The following SEMA3E variants were observed in gnomAD, a reference collection of about 807,000 sequenced individuals.
The protein encoded by SEMA3E is semaphorin-3E.
A neutral mutation model predicts 93.6 loss-of-function variants in SEMA3E; 49 were observed. That is an observed-to-expected ratio of 0.52 (90% CI 0.42 to 0.66). The LOEUF (loss-of-function observed/expected upper bound fraction) is 0.66. Among genes scored for constraint, SEMA3E ranks in the 30% least tolerant of loss-of-function variants. The pLI, the probability that SEMA3E is intolerant of heterozygous loss-of-function variation, is 0.00. For synonymous variants in SEMA3E, 363 were observed against 330.7 expected, an observed-to-expected ratio of 1.10 and a Z score of -1.06; for missense variants, 906 against 964.8, an observed-to-expected ratio of 0.94 and a Z score of 0.81.
intron 2 of SEMA3E, among the ~76,000 whole-genome samples, chr7:83,482,866 T>A (rs1274439833): frequency 1.3e-5 from 2 of 152,048 alleles, no homozygotes; most frequent in Admixed American, 6.6e-5. Context: ...AAATTGGATA[T>A]GTTTGAAGGT....
At chr7:83,538,240 G>A (rs565808415) in intron 1 of SEMA3E, among the ~76,000 whole-genome samples, 18 of 152,144 alleles carry the variant, frequency 1.2e-4, no homozygotes, top group African/African-American at 4.3e-4. Context: ...GGGTCATAGG[G>A]CAACTAATCA....
intron 4 of SEMA3E, among the ~76,000 whole-genome samples, chr7:83,426,437 G>A (rs888035589): frequency 6.6e-6 from 1 of 152,130 alleles, no homozygotes; most frequent in African/African-American, 2.4e-5. Context: ...TAATGCAGCT[G>A]GAGGCCATTA....
intron 1 of SEMA3E, among the ~76,000 whole-genome samples, chr7:83,490,789 A>G (rs1241619062): frequency 6.6e-6 from 1 of 152,068 alleles, no homozygotes; most frequent in East Asian, 1.9e-4. Context: ...CACTGATAAA[A>G]CTGGTGGGAA....
At chr7:83,542,124 T>A (rs1562825584) in intron 1 of SEMA3E, among the ~76,000 whole-genome samples, 1 of 151,778 alleles carries the variant, frequency 6.6e-6, no homozygotes, top group Admixed American at 6.6e-5. Context: ...AGGCAGATTA[T>A]TTAATGTCAG....
chr7:83,444,934 G>A (rs188494073), intron 4 of SEMA3E, among the ~76,000 whole-genome samples: 1 of 152,318 alleles, frequency 6.6e-6, no homozygotes, highest in Admixed American at 6.5e-5. Flanking sequence ...GCCTCCCAAA[G>A]TGCTGGGATT....
At chr7:83,537,121 A>G (rs1017001764) in intron 1 of SEMA3E, among the ~76,000 whole-genome samples, 5 of 151,662 alleles carry the variant, frequency 3.3e-5, no homozygotes, top group African/African-American at 1.2e-4. Flanking sequence ...GTAAGTAGGC[A>G]GTCATCTGCA....
chr7:83,421,702 T>C (rs1312091972), intron 4 of SEMA3E, among the ~76,000 whole-genome samples: 1 of 142,328 alleles, frequency 7.0e-6, no homozygotes, highest in Non-Finnish European at 1.6e-5. Flanking sequence ...TTAACTTTGC[T>C]AGTCATCTGA....
In SEMA3E at chr7:83,606,686, A is replaced by G. The variant is rs542550157; in HGVS notation, c.115+41742T>C. Among the ~76,000 whole-genome samples, 701 of 147,810 alleles carry G rather than the reference A, an allele frequency of 4.7e-3. 4 individuals are homozygous for G. Among genetic ancestry groups the G allele is most frequent in the African/African-American group, 0.016 (646 of 39,678 alleles). ...TAGATGACACGTTAGTGGGTGCAGC[A>G]CACCAGCATGGCACATGTATACATA... is the stretch of plus-strand genomic sequence containing the variant. On this transcript the variant is annotated intron_variant, in intron 1 of 16. Transcript: ENST00000643230.
rs375343117 is a variant in SEMA3E, at chr7:83,447,325, A to C, written c.456+19157T>G. On this transcript the variant is annotated intron_variant, in intron 4 of 16. Coordinates refer to ENST00000643230, the MANE Select transcript of SEMA3E (RefSeq NM_012431.3). The stretch of plus-strand genomic sequence containing the variant: ...GCCGAGGTGGGTGGATCACGAGGTC[A>C]GGAGATGGAGACCATCCTGGCCAAT... Among the ~76,000 whole-genome samples the C allele has an allele frequency of 5.4e-4, 82 of 152,236 alleles. No homozygotes were observed. In the East Asian group the frequency reaches 0.013, roughly 25 times the overall value.
chr7:83,439,133 T>A (rs1264432143), intron 4 of SEMA3E, among the ~76,000 whole-genome samples: 1 of 152,218 alleles, frequency 6.6e-6, no homozygotes, highest in Non-Finnish European at 1.5e-5. Context: ...ATTCTTCAGT[T>A]CTAAATCCCT....
chr7:83,423,504 AT>A (rs71074656), intron 4 of SEMA3E, among the ~76,000 whole-genome samples: 8,067 of 138,766 alleles, frequency 0.058, 256 homozygotes, highest in African/African-American at 0.12. Flanking sequence ...ACTATGAAGA[AT>A]TTTTTTTTTT....
intron 1 of SEMA3E, chr7:83,616,764 G>C (rs951979697): frequency 4.3e-5 from 18 of 421,046 alleles, no homozygotes; most frequent in African/African-American, 3.2e-4. Flanking sequence ...TGCTCTTGTT[G>C]CCCAGGCTGC....
intron 16 of SEMA3E, among the ~76,000 whole-genome samples, chr7:83,381,801 G>A (rs752845351): frequency 6.6e-6 from 1 of 151,862 alleles, no homozygotes; most frequent in Non-Finnish European, 1.5e-5. Context: ...AAGTCATCTT[G>A]TACTACCAAT....
At chr7:83,575,641 A>T (rs1361020528) in intron 1 of SEMA3E, among the ~76,000 whole-genome samples, 1 of 152,138 alleles carries the variant, frequency 6.6e-6, no homozygotes, top group East Asian at 1.9e-4. Flanking sequence ...GCTGTAACAG[A>T]TCTGCTTTCA....
chr7:83,386,886 A>T, intron 15 of SEMA3E, 97 bp downstream of exon 15: 1 of 1,052,870 alleles, frequency 9.5e-7, no homozygotes, highest in Non-Finnish European at 1.4e-6. Context: ...AGTATACATG[A>T]ATCACAAAGA....
At chr7:83,443,911 GACCTGATAT>G (rs1789172141) in intron 4 of SEMA3E, among the ~76,000 whole-genome samples, 1 of 85,022 alleles carries the variant, frequency 1.2e-5, no homozygotes, top group African/African-American at 5.5e-5. Flanking sequence ...GTAAAATAAT[GACCTGATAT>G]ATATATATAT....
intron 2 of SEMA3E, among the ~76,000 whole-genome samples, chr7:83,484,629 A>G (rs1017689709): frequency 2.6e-5 from 4 of 152,072 alleles, no homozygotes; most frequent in African/African-American, 9.7e-5. Context: ...CCTCCCTAGA[A>G]AATATTTTCT....
At chr7:83,386,483 C>A (rs1481804733) in intron 15 of SEMA3E, among the ~76,000 whole-genome samples, 2 of 152,150 alleles carry the variant, frequency 1.3e-5, no homozygotes, top group African/African-American at 4.8e-5. Flanking sequence ...TCAGTTACCA[C>A]CACCCTATCA....
At chr7:83,503,661 T>A (rs959769909) in intron 1 of SEMA3E, among the ~76,000 whole-genome samples, 10 of 152,222 alleles carry the variant, frequency 6.6e-5, no homozygotes, top group African/African-American at 2.4e-4. Context: ...TATCCTAGGC[T>A]ACAAACCTGT....
Sources: gnomAD v4.1 joint callset for allele counts (sites outside exome capture counted in the v4.1 genomes callset) on GRCh38, gnomAD v4.1.1 for gene constraint, MANE v1.5 for transcripts, NCBI Gene and HGNC (gene_info 2026-07-23, HGNC 2026-07-21) for gene names.